MRPS31: variants seen among roughly 807,000 people sequenced by gnomAD.
MRPS31 encodes small ribosomal subunit protein mS31.
Under a neutral mutation model 43.1 loss-of-function variants are expected in MRPS31, and 32 were observed. That is an observed-to-expected ratio of 0.74 (90% CI 0.56 to 1.00). The LOEUF (loss-of-function observed/expected upper bound fraction) is 1.00. MRPS31 is among the 50% of genes least tolerant of loss of function. The probability of loss-of-function intolerance (pLI) is 0.00; values close to 1 mark genes in which losing one functional copy is unlikely to be tolerated. For missense variants in MRPS31, 437 were observed against 466.7 expected, an observed-to-expected ratio of 0.94 and a Z score of 0.59; for synonymous variants, 165 against 161.6, an observed-to-expected ratio of 1.02 and a Z score of -0.16.
intron 1 of MRPS31, among the ~76,000 whole-genome samples, chr13:40,768,602 G>A (rs188612715): frequency 1.6e-3 from 243 of 152,090 alleles, no homozygotes; most frequent in African/African-American, 5.6e-3. Context: ...TCGCCATGTT[G>A]CCCAGGCTTG....
intron 2 of MRPS31, among the ~76,000 whole-genome samples, chr13:40,762,872 C>T (rs1880742696): frequency 6.7e-6 from 1 of 149,708 alleles, no homozygotes; most frequent in Non-Finnish European, 1.5e-5. Context: ...TACATCCCTC[C>T]CCCCATTTTA....
At position 40,750,742 on chromosome 13, in the gene MRPS31, T is replaced by TTATATATA. The variant is rs66521234; in HGVS notation, c.815-1469_815-1462dup. Among the ~76,000 whole-genome samples the TTATATATA allele has an allele frequency of 5.4e-3, 712 of 130,756 alleles. 2 individuals are homozygous for TTATATATA. The highest frequency in any genetic ancestry group is 0.018 in the East Asian group (82 of 4,474). 85.8% of individuals were successfully genotyped at this position (130,756 alleles called of 152,430 possible). Reference sequence around the variant, plus strand: ...TGAATGCTTGCATTAGTATCCCATTTTATATATATATATATATATATATAT... The same window carrying TTATATATA: ...TGAATGCTTGCATTAGTATCCCATTTTATATATATATATATATATATATATATATATAT... On this transcript the variant is annotated intron_variant, in intron 5 of 6. Transcript: ENST00000323563.
intron 5 of MRPS31, among the ~76,000 whole-genome samples, chr13:40,753,096 T>G (rs1201360380): frequency 2.6e-5 from 4 of 152,208 alleles, no homozygotes; most frequent in Non-Finnish European, 5.9e-5. Context: ...GTATTAAGTT[T>G]CTTCATTTAT....
intron 6 of MRPS31, among the ~76,000 whole-genome samples, chr13:40,741,093 T>C (rs1190516810): frequency 2.0e-5 from 3 of 151,882 alleles, no homozygotes; most frequent in Admixed American, 6.6e-5. Flanking sequence ...AAGATATATA[T>C]ACTAGATGAC....
chr13:40,769,421 T>TAG (rs10684050), intron 1 of MRPS31, among the ~76,000 whole-genome samples: 24 of 120,150 alleles, frequency 2.0e-4, no homozygotes, highest in African/African-American at 6.8e-4. Context: ...TATATATATA[T>TAG]TATCAAGTTC....
chr13:40,738,263 C>T (rs941071458), intron 6 of MRPS31, among the ~76,000 whole-genome samples: 2 of 151,748 alleles, frequency 1.3e-5, no homozygotes, highest in Non-Finnish European at 1.5e-5. Context: ...CTGAATAGAC[C>T]AATAACAGGA....
intron 6 of MRPS31, among the ~76,000 whole-genome samples, chr13:40,738,319 C>T (rs1267703589): frequency 6.6e-6 from 1 of 152,082 alleles, no homozygotes; most frequent in Non-Finnish European, 1.5e-5. Flanking sequence ...CAAAAAGAGT[C>T]CAGGACCAGA....
At chr13:40,748,596 T>C (rs9315785) in intron 6 of MRPS31, among the ~76,000 whole-genome samples, 70,270 of 152,142 alleles carry the variant, frequency 0.46, 19,063 homozygotes, top group East Asian at 0.78. Context: ...CCAAAAAATA[T>C]CCAGTAAAGT....
intron 6 of MRPS31, among the ~76,000 whole-genome samples, chr13:40,731,409 C>T (rs1328170919): frequency 5.9e-5 from 9 of 151,416 alleles, no homozygotes; most frequent in Admixed American, 3.3e-4. Flanking sequence ...TGGTGAAACC[C>T]CGTCTCTACT....
chr13:40,734,224 T>G (rs1193393119), intron 6 of MRPS31, among the ~76,000 whole-genome samples: 1 of 152,146 alleles, frequency 6.6e-6, no homozygotes, highest in Non-Finnish European at 1.5e-5. Context: ...GAAAGATATT[T>G]TATATATCAA....
At chr13:40,750,657 G>T (rs7998724) in intron 5 of MRPS31, among the ~76,000 whole-genome samples, 64,435 of 146,488 alleles carry the variant, frequency 0.44, 16,007 homozygotes, top group East Asian at 0.78. Context: ...TTTTTTTCTG[G>T]GTGATATCAC....
chr13:40,740,936 TA>T (rs145793269), intron 6 of MRPS31, among the ~76,000 whole-genome samples: 5 of 121,124 alleles, frequency 4.1e-5, no homozygotes, highest in Admixed American at 8.2e-5. Context: ...TAAAGTATAA[TA>T]AAAAAAAATT....
intron 6 of MRPS31, among the ~76,000 whole-genome samples, chr13:40,735,296 G>A (rs547417922): frequency 6.6e-6 from 1 of 152,152 alleles, no homozygotes; most frequent in Non-Finnish European, 1.5e-5. Flanking sequence ...ACGGAGTCTC[G>A]CTGATTGCTA....
intron 6 of MRPS31, among the ~76,000 whole-genome samples, chr13:40,736,504 G>A (rs1179172026): frequency 6.8e-6 from 1 of 147,588 alleles, no homozygotes; most frequent in Admixed American, 6.8e-5. Flanking sequence ...TTGAAATGAA[G>A]GAAAAAATGT....
intron 6 of MRPS31, among the ~76,000 whole-genome samples, chr13:40,741,090 A>G (rs1378098341): frequency 6.6e-6 from 1 of 151,994 alleles, no homozygotes; most frequent in Non-Finnish European, 1.5e-5. Flanking sequence ...GAGAAGATAT[A>G]TATACTAGAT....
rs1046374408 is a variant in MRPS31, at chr13:40,736,716, C to T, written c.959-7115G>A. On this transcript the variant is annotated intron_variant, in intron 6 of 6. Coordinates refer to ENST00000323563, the MANE Select transcript of MRPS31 (RefSeq NM_005830.4). ...AGTGAAGGAGAAATAAAATACTTTA[C>T]AGACAAGCAAATGCTGAGAGATTTT... is the stretch of plus-strand genomic sequence containing the variant. 2.7e-5 allele frequency among the ~76,000 whole-genome samples: 4 copies of T among 148,682 alleles called. No homozygotes were observed. In the East Asian group the frequency reaches 6.1e-4, roughly 23 times the overall value.
intron 2 of MRPS31, among the ~76,000 whole-genome samples, chr13:40,761,357 T>C (rs908660208): frequency 2.6e-5 from 4 of 152,240 alleles, no homozygotes; most frequent in African/African-American, 9.6e-5. Context: ...TTAACCTTGT[T>C]CCAAAGTCAT....
intron 3 of MRPS31, among the ~76,000 whole-genome samples, chr13:40,757,722 GC>G (rs1004786947): frequency 1.2e-4 from 18 of 149,510 alleles, no homozygotes; most frequent in Middle Eastern, 3.2e-3. Context: ...GGGATTACAG[GC>G]GTGAGCCAGT....
chr13:40,749,543 A>G, intron 5 of MRPS31: 1 of 241,476 alleles, frequency 4.1e-6, no homozygotes, highest in East Asian at 8.0e-5. Context: ...ATAAATTTGT[A>G]TTTTGTTTAA....
Sources: allele counts gnomAD v4.1 joint callset (sites outside exome capture counted in the v4.1 genomes callset), GRCh38; gene constraint gnomAD v4.1.1; transcripts MANE v1.5; gene names NCBI Gene and HGNC (gene_info 2026-07-23, HGNC 2026-07-21).